Variants in ATP8A1 observed in about 807,000 individuals in gnomAD.
ATP8A1 encodes the protein ATPase phospholipid transporting 8A1.
ATP8A1 carries 90 observed loss-of-function variants against 177.7 expected under a neutral mutation model. That is an observed-to-expected ratio of 0.51 (90% CI 0.43 to 0.60). The LOEUF (loss-of-function observed/expected upper bound fraction) is 0.60. ATP8A1 is among the 20% of genes least tolerant of loss of function. The probability of loss-of-function intolerance (pLI) is 0.00; values close to 1 mark genes in which losing one functional copy is unlikely to be tolerated. For synonymous variants in ATP8A1, 493 were observed against 485.9 expected, an observed-to-expected ratio of 1.01 and a Z score of -0.19; for missense variants, 1,072 against 1,392.8, an observed-to-expected ratio of 0.77 and a Z score of 3.67.
chr4:42,432,013 T>TTTC (rs1197594192), intron 33 of ATP8A1, among the ~76,000 whole-genome samples: 1 of 152,230 alleles, frequency 6.6e-6, no homozygotes, highest in Non-Finnish European at 1.5e-5. Flanking sequence ...CGCAGTGCTT[T>TTTC]GTCTATGCTC....
chr4:42,444,804 T>A (rs10004341), intron 31 of ATP8A1, among the ~76,000 whole-genome samples, 170 bp from the exon 32 acceptor site: 7 of 152,264 alleles, frequency 4.6e-5, no homozygotes, highest in African/African-American at 1.7e-4. Flanking sequence ...GCTGGGCAGC[T>A]GACGGGACTG....
chr4:42,650,153 TTC>T (rs977892491), intron 1 of ATP8A1, among the ~76,000 whole-genome samples: 4 of 152,224 alleles, frequency 2.6e-5, no homozygotes, highest in South Asian at 2.1e-4. Flanking sequence ...TATGCTTCAA[TTC>T]TGTTTTTGAA....
intron 6 of ATP8A1, among the ~76,000 whole-genome samples, chr4:42,596,906 G>A (rs781146005): frequency 2.4e-4 from 36 of 152,142 alleles, no homozygotes; most frequent in Non-Finnish European, 4.3e-4. Flanking sequence ...TCTGTGGCAA[G>A]AGCAATGAAG....
intron 22 of ATP8A1, among the ~76,000 whole-genome samples, chr4:42,521,242 G>A (rs1578098129): frequency 6.6e-6 from 1 of 152,184 alleles, no homozygotes. Flanking sequence ...TTAGAATGAA[G>A]TCACTTGAAT....
rs1437451385 is a variant in ATP8A1, at chr4:42,574,624, A to C, written c.1290T>G (p.Ala430=). The C allele has an allele frequency of 6.2e-7, 1 of 1,608,416 alleles. No individual in the cohort carries two copies. Among genetic ancestry groups the C allele is most frequent in the Non-Finnish European group, 8.5e-7 (1 of 1,178,244 alleles). ...QFKKCTIAGV[A]YGHVPEPEDY... is the part of the protein sequence containing the mutation. ...AATTAAAGGAAAAAACTCACCCATA[A>C]GCAACTCCCGCTATGGTGCACTTCT... Residue 430 remains alanine, a synonymous_variant, in exon 14 of 37, where the codon GCT becomes GCG. Coordinates refer to ENST00000381668, the MANE Select transcript of ATP8A1 (RefSeq NM_006095.2).
intron 4 of ATP8A1, among the ~76,000 whole-genome samples, chr4:42,622,609 A>G (rs1294917889): frequency 6.6e-6 from 1 of 152,236 alleles, no homozygotes; most frequent in Non-Finnish European, 1.5e-5. Flanking sequence ...TAAACAGACA[A>G]CTTACAGAAT....
chr4:42,414,884 A>C (rs1234721803), intron 35 of ATP8A1, 166 bp from the exon 36 acceptor site: 1 of 610,708 alleles, frequency 1.6e-6, no homozygotes, highest in Non-Finnish European at 2.9e-6. Context: ...ATGAAATTTC[A>C]AGTATTTAGA....
intron 25 of ATP8A1, among the ~76,000 whole-genome samples, chr4:42,482,133 C>T (rs1025747172): frequency 6.6e-6 from 1 of 151,936 alleles, no homozygotes; most frequent in Non-Finnish European, 1.5e-5. Context: ...AAAAGCCAGG[C>T]TCTACTAAAA....
Position 42,411,320 on chromosome 4 carries a change from T to C in ATP8A1, c.*1596A>G, listed in dbSNP as rs1712575299. 2 of 152,142 alleles carry C rather than the reference T, an allele frequency of 1.3e-5. No individual in the cohort carries two copies. Among genetic ancestry groups the C allele is most frequent in the Non-Finnish European group, 2.9e-5 (2 of 68,022 alleles). The allele number at this position is 152,142 out of a possible 1,614,324, so 9.4% of individuals were successfully genotyped here. A position where few individuals can be genotyped will look rare whatever the true frequency, so the allele number is the denominator to read the frequency against. ...ATTGAGAAAAAGGGTGAAAAGAATG[T>C]GAAAATATTAAACTCGAGAAGCGAT... On this transcript the variant is annotated 3_prime_UTR_variant, in exon 37 of 37. Transcript: ENST00000381668.
At chr4:42,578,171 T>A in intron 12 of ATP8A1, 89 bp downstream of exon 12, 2 of 1,274,112 alleles carry the variant, frequency 1.6e-6, no homozygotes, top group Non-Finnish European at 2.1e-6. Flanking sequence ...ACGGTAGATA[T>A]AATTAAAACC....
intron 6 of ATP8A1, 131 bp from the exon 7 acceptor site, chr4:42,591,015 C>T: frequency 1.3e-6 from 1 of 755,588 alleles, no homozygotes; most frequent in Non-Finnish European, 2.1e-6. Flanking sequence ...TTAATAAAAA[C>T]ATCTAATGCC....
intron 33 of ATP8A1, 74 bp from the exon 34 acceptor site, chr4:42,423,779 T>C: frequency 1.0e-6 from 1 of 997,006 alleles, no homozygotes. Flanking sequence ...TTTATGTATT[T>C]TTAAGTGAAA....
At chr4:42,617,754 T>C (rs2109457928) in intron 4 of ATP8A1, among the ~76,000 whole-genome samples, 1 of 152,324 alleles carries the variant, frequency 6.6e-6, no homozygotes, top group Middle Eastern at 3.4e-3. Flanking sequence ...CCCAAGGCGA[T>C]CTTAAACATC....
intron 33 of ATP8A1, among the ~76,000 whole-genome samples, chr4:42,436,564 G>A (rs757861418): frequency 2.6e-5 from 4 of 152,230 alleles, no homozygotes; most frequent in African/African-American, 7.2e-5. Flanking sequence ...AACAGTGAAT[G>A]AAGGTCTACC....
chr4:42,642,000 TA>T (rs1740041821), intron 1 of ATP8A1, among the ~76,000 whole-genome samples: 1 of 151,686 alleles, frequency 6.6e-6, no homozygotes, highest in African/African-American at 2.4e-5. Flanking sequence ...TTTTTTTTTT[TA>T]AACAAAGTCT....
chr4:42,524,864 G>C lies in ATP8A1; in HGVS notation c.1723-17C>G. On this transcript the variant is annotated splice_polypyrimidine_tract_variant and intron_variant, in intron 20 of 36. Transcript: ENST00000381668. Reference sequence around the variant, plus strand: ...TACAGTGTCCTGGAAAACAAACAGAGGGTAAAATGATTTAATTAAGCATTC... The same window carrying C: ...TACAGTGTCCTGGAAAACAAACAGACGGTAAAATGATTTAATTAAGCATTC... The C allele has an allele frequency of 1.3e-6, 2 of 1,554,042 alleles. No individual in the cohort carries two copies. Among genetic ancestry groups the C allele is most frequent in the Non-Finnish European group, 1.8e-6 (2 of 1,137,674 alleles).
chr4:42,416,782 CACTT>C (rs5857843), intron 35 of ATP8A1, among the ~76,000 whole-genome samples: 18,290 of 152,074 alleles, frequency 0.12, 1,162 homozygotes, highest in Middle Eastern at 0.18. Flanking sequence ...CAATGACTGA[CACTT>C]AGGAAGCACT....
At chr4:42,623,932 C>T (rs1737774812) in intron 4 of ATP8A1, among the ~76,000 whole-genome samples, 1 of 151,932 alleles carries the variant, frequency 6.6e-6, no homozygotes, top group African/African-American at 2.4e-5. Flanking sequence ...CAAAACAAAA[C>T]ATTGGTTTCC....
intron 25 of ATP8A1, among the ~76,000 whole-genome samples, chr4:42,484,896 G>A (rs1722038250): frequency 6.6e-6 from 1 of 152,132 alleles, no homozygotes; most frequent in Non-Finnish European, 1.5e-5. Context: ...TTAGGAAGAC[G>A]GAGTTTAAAC....
Sources: allele counts gnomAD v4.1 joint callset (sites outside exome capture counted in the v4.1 genomes callset), GRCh38; gene constraint gnomAD v4.1.1; transcripts MANE v1.5; gene names NCBI Gene and HGNC (gene_info 2026-07-23, HGNC 2026-07-21).